The following CDIPT variants were observed in gnomAD, a reference collection of about 807,000 sequenced individuals.
CDIPT encodes the protein PI synthase.
Under a neutral mutation model 21.6 loss-of-function variants are expected in CDIPT, and 17 were observed. The observed-to-expected ratio is 0.79, with a 90% confidence interval of 0.54 to 1.18. CDIPT has a LOEUF of 1.18. Among genes scored for constraint, CDIPT ranks in the 50% most tolerant of loss-of-function variants. CDIPT has a pLI of 0.00. For synonymous variants in CDIPT, 119 were observed against 117.9 expected (o/e 1.01, Z -0.06); for missense variants, 254 against 284.9 (o/e 0.89, Z 0.78).
chr16:29,862,503 C>T lies in CDIPT; in HGVS notation c.178+83G>A, dbSNP rs2067691302. ...TTCCAGAGATGGGAATGACAGCCCTCTGACTCTGAGGTCCCGAGGAGGCAG... is the reference window on the plus strand; with the variant it reads ...TTCCAGAGATGGGAATGACAGCCCTTTGACTCTGAGGTCCCGAGGAGGCAG... On this transcript the variant is annotated intron_variant, in intron 2 of 5. Transcript: ENST00000219789. This position sits in a 1 kb window ranked among gnomAD's most constrained non-coding sequence, Gnocchi z 6.7. 7.1e-7 allele frequency: 1 copy of T among 1,406,846 alleles called. No individual in the cohort carries two copies. The highest frequency in any genetic ancestry group is 9.8e-7 in the Non-Finnish European group (1 of 1,023,736). The allele number at this position is 1,406,846 out of a possible 1,614,324, so 87.1% of individuals were successfully genotyped here.
chr16:29,860,953 G>C (rs1299487435), intron 3 of CDIPT, 153 bp downstream of exon 3: 1 of 695,098 alleles, frequency 1.4e-6, no homozygotes, highest in African/African-American at 1.8e-5. Flanking sequence ...GCTTTAAAGA[G>C]AGGCAGGTTT....
chr16:29,860,882 C>T (rs2067674959), intron 3 of CDIPT: 1 of 618,004 alleles, frequency 1.6e-6, no homozygotes, highest in Non-Finnish European at 2.9e-6. Flanking sequence ...ATATGGAATC[C>T]TAGAATACCC....
chr16:29,862,813 A>T lies in CDIPT; in HGVS notation c.43+2T>A. ...CGGCCCGGGGCCGTGGGCAGCACTC[A>T]CCGATGAGGTTGGGCACGAACAGGA... is the stretch of plus-strand genomic sequence containing the variant. On this transcript the variant is annotated splice_donor_variant, in intron 1 of 5. Transcript: ENST00000219789. LOFTEE classifies it high-confidence loss of function. This position sits in a 1 kb window ranked among gnomAD's most constrained non-coding sequence, Gnocchi z 6.7. 1 of 1,614,022 alleles carries T rather than the reference A, an allele frequency of 6.2e-7. No individual in the cohort carries two copies. Among genetic ancestry groups the T allele is most frequent in the Non-Finnish European group, 8.5e-7 (1 of 1,179,994 alleles).
chr16:29,863,127 C>T lies in CDIPT; in HGVS notation c.-270G>A, dbSNP rs536802183. On this transcript the variant is annotated 5_prime_UTR_variant, in exon 1 of 6. Coordinates refer to ENST00000219789, the MANE Select transcript of CDIPT (RefSeq NM_006319.5). The stretch of plus-strand genomic sequence containing the variant: ...CTGCCAGCCCCGCAGGCGCTCCGGG[C>T]CTCCAGCTGCGGTCGCCGCTGCTCC... 3 of 477,642 alleles carry T rather than the reference C, an allele frequency of 6.3e-6. No homozygotes were observed. The African/African-American group carries it at 6.3e-5, about 10-fold the overall frequency. 29.6% of individuals were successfully genotyped at this position (477,642 alleles called of 1,614,324 possible).
In CDIPT at chr16:29,859,919, C is replaced by T. The variant is rs543537479; in HGVS notation, c.415-396G>A. On this transcript the variant is annotated intron_variant, in intron 4 of 5. Transcript: ENST00000219789. This position sits in a 1 kb window ranked among gnomAD's most constrained non-coding sequence, Gnocchi z 4.5. The stretch of plus-strand genomic sequence containing the variant: ...ACTCAGGAGGCTGAGGCACAAGAAT[C>T]GCTTGAACCCAGCAGGCAGAGGTTG... 5.5e-4 allele frequency among the ~76,000 whole-genome samples: 84 copies of T among 152,166 alleles called. No individual in the cohort carries two copies. The South Asian group carries it at 0.016, about 29-fold the overall frequency.
intron 2 of CDIPT, 162 bp from the exon 3 acceptor site, chr16:29,861,421 G>A: frequency 6.5e-7 from 1 of 1,542,038 alleles, no homozygotes; most frequent in Non-Finnish European, 8.7e-7. Flanking sequence ...TGAGGTCAGT[G>A]GGCAAAGGTC....
At position 29,858,523 on chromosome 16, in the gene CDIPT, C is replaced by T. The variant is rs1360241425; in HGVS notation, c.*666G>A. 1.3e-5 allele frequency: 2 copies of T among 152,726 alleles called. No homozygotes were observed. The highest frequency in any genetic ancestry group is 2.9e-5 in the Non-Finnish European group (2 of 68,462). 9.5% of individuals were successfully genotyped at this position (152,726 alleles called of 1,614,324 possible). A position where few individuals can be genotyped will look rare whatever the true frequency, so the allele number is the denominator to read the frequency against. On this transcript the variant is annotated 3_prime_UTR_variant, in exon 6 of 6. Transcript: ENST00000219789. Reference sequence around the variant, plus strand: ...ATAAATACATGTAGACAGTCAGTGACATCAAACAAGTGGGCGGTGGGGACA... The same window carrying T: ...ATAAATACATGTAGACAGTCAGTGATATCAAACAAGTGGGCGGTGGGGACA...
chr16:29,861,050 A>G (rs1489822084), intron 3 of CDIPT, 56 bp downstream of exon 3: 2 of 1,581,800 alleles, frequency 1.3e-6, no homozygotes, highest in Non-Finnish European at 1.7e-6. Flanking sequence ...GTCTAGGCTC[A>G]GCCCACCCCA....
rs1456702226 is a variant in CDIPT at position 29,859,584 on chromosome 16, C to T, written c.415-61G>A. The stretch of plus-strand genomic sequence containing the variant: ...GCAGGCGTGTGCCACCCCCTGCCCC[C>T]CCAGCACTAATGAAGGCACAATCTC... On this transcript the variant is annotated intron_variant, in intron 4 of 5. Coordinates refer to ENST00000219789, the MANE Select transcript of CDIPT (RefSeq NM_006319.5). The surrounding 1 kb of genome is among the most constrained non-coding windows in gnomAD (Gnocchi z 4.5). 3.7e-6 allele frequency: 4 copies of T among 1,089,138 alleles called. No homozygotes were observed. Among genetic ancestry groups the T allele is most frequent in the East Asian group, 2.4e-5 (1 of 42,088 alleles). The allele number at this position is 1,089,138 out of a possible 1,614,324, so 67.5% of individuals were successfully genotyped here.
At chr16:29,860,789 C>A in intron 3 of CDIPT, 127 bp from the exon 4 acceptor site, 1 of 676,246 alleles carries the variant, frequency 1.5e-6, no homozygotes, top group Non-Finnish European at 2.7e-6. Context: ...TGCCGAAAGC[C>A]ACAGTTACCT....
chr16:29,862,574 G>C lies in CDIPT; in HGVS notation c.178+12C>G, dbSNP rs184576067. The C allele has an allele frequency of 2.3e-4, 361 of 1,560,484 alleles. 2 individuals carry two copies. The Middle Eastern group carries it at 9.2e-3, about 40-fold the overall frequency. On this transcript the variant is annotated intron_variant, in intron 2 of 5. Transcript: ENST00000219789. The surrounding 1 kb of genome is among the most constrained non-coding windows in gnomAD (Gnocchi z 6.7). Reference sequence around the variant, plus strand: ...TTGAACCCCAAGGCTGGCTGAGAGGGGTGTCTGTCACCTTGATTAAGAGCG... The same window carrying C: ...TTGAACCCCAAGGCTGGCTGAGAGGCGTGTCTGTCACCTTGATTAAGAGCG...
Position 29,862,010 on chromosome 16 carries a change from CG to C in CDIPT, c.178+575del, listed in dbSNP as rs2067687464. 1.3e-5 allele frequency among the ~76,000 whole-genome samples: 2 copies of C among 152,276 alleles called. No individual in the cohort carries two copies. The highest frequency in any genetic ancestry group is 4.1e-4 in the South Asian group (2 of 4,830). ...CCTCCCAAAGTGCTGGGATTACAGG[CG>C]TGAGCCACCGCCCCTGGCCTGAATG... On this transcript the variant is annotated intron_variant, in intron 2 of 5. Coordinates refer to ENST00000219789, the MANE Select transcript of CDIPT (RefSeq NM_006319.5). This position sits in a 1 kb window ranked among gnomAD's most constrained non-coding sequence, Gnocchi z 6.7.
intron 2 of CDIPT, chr16:29,861,692 T>G (rs924342639): frequency 1.7e-6 from 1 of 601,338 alleles, no homozygotes; most frequent in Non-Finnish European, 2.9e-6. Context: ...GGGCACACAG[T>G]AGGCCTCCAG....
intron 2 of CDIPT, chr16:29,861,741 T>G (rs1361029458): frequency 6.3e-5 from 33 of 521,750 alleles, no homozygotes; most frequent in Non-Finnish European, 1.1e-4. Context: ...GTTTTTTGTT[T>G]TTTTTTTTCC....
Position 29,862,740 on chromosome 16 carries a change from A to G in CDIPT, c.44-20T>C, listed in dbSNP as rs1329442784. 1 of 1,613,594 alleles carries G rather than the reference A, an allele frequency of 6.2e-7. No homozygotes were observed. Among genetic ancestry groups the G allele is most frequent in the African/African-American group, 1.3e-5 (1 of 74,900 alleles). The stretch of plus-strand genomic sequence containing the variant: ...CATAACCTTGGAACGGGACGCGGGG[A>G]GACAGGGCAGGATCAGGGAGCCCGC... On this transcript the variant is annotated intron_variant, in intron 1 of 5. Transcript: ENST00000219789. This position sits in a 1 kb window ranked among gnomAD's most constrained non-coding sequence, Gnocchi z 6.7.
Position 29,859,345 on chromosome 16 carries a change from G to A in CDIPT, c.497-11C>T. On this transcript the variant is annotated splice_polypyrimidine_tract_variant and intron_variant, in intron 5 of 5. Transcript: ENST00000219789. The surrounding 1 kb of genome is among the most constrained non-coding windows in gnomAD (Gnocchi z 4.5). ...GTCCCACAGAGCCAACTGCAGGAAG[G>A]CAGCAGGGGAGTTTGGGGCCCGAAG... 1 of 1,566,316 alleles carries A rather than the reference G, an allele frequency of 6.4e-7. No homozygotes were observed. The highest frequency in any genetic ancestry group is 1.2e-5 in the South Asian group (1 of 85,270).
intron 3 of CDIPT, 163 bp from the exon 4 acceptor site, chr16:29,860,825 A>G (rs2067674590): frequency 4.7e-6 from 3 of 635,510 alleles, no homozygotes; most frequent in Non-Finnish European, 8.5e-6. Context: ...CAGGATTCAA[A>G]TGCCACATTT....
chr16:29,860,510 A>G (rs1381675221), intron 4 of CDIPT, 71 bp downstream of exon 4: 2 of 1,009,760 alleles, frequency 2.0e-6, no homozygotes, highest in Non-Finnish European at 3.1e-6. Flanking sequence ...CTCCTAGGCT[A>G]GGACCAGGAT....
At position 29,863,030 on chromosome 16, in the gene CDIPT, A is replaced by T. The variant is rs745723514; in HGVS notation, c.-173T>A. 1 of 773,968 alleles carries T rather than the reference A, an allele frequency of 1.3e-6. No homozygotes were observed. 47.9% of individuals were successfully genotyped at this position (773,968 alleles called of 1,614,324 possible). On this transcript the variant is annotated 5_prime_UTR_variant, in exon 1 of 6. Transcript: ENST00000219789. The stretch of plus-strand genomic sequence containing the variant: ...AAGCCCGCAGCCGTCGGGAGCATGG[A>T]CCGGCCCCGAGGTGCGCGGGACGCA...
Sources: allele counts gnomAD v4.1 joint callset (sites outside exome capture counted in the v4.1 genomes callset), GRCh38; gene constraint gnomAD v4.1.1; non-coding constraint Gnocchi (gnomAD v3.1); transcripts MANE v1.5; gene names NCBI Gene and HGNC (gene_info 2026-07-23, HGNC 2026-07-21).